Variants in THSD7A observed in about 807,000 individuals in gnomAD.
THSD7A encodes thrombospondin type 1 domain containing 7A.
In THSD7A, 96 loss-of-function variants were observed where a neutral mutation model predicts 231.3. The observed-to-expected ratio is 0.41, with a 90% CI of 0.35 to 0.49. The LOEUF (loss-of-function observed/expected upper bound fraction) is 0.49. THSD7A is among the 20% of genes least tolerant of loss of function. The pLI is 0.05. For missense variants in THSD7A, 2,290 were observed against 2,070.2 expected, an observed-to-expected ratio of 1.11 and a Z score of -2.06; for synonymous variants, 940 against 743.3, an observed-to-expected ratio of 1.26 and a Z score of -4.30.
At chr7:11,523,018 A>G (rs1788329697) in intron 6 of THSD7A, among the ~76,000 whole-genome samples, 1 of 152,166 alleles carries the variant, frequency 6.6e-6, no homozygotes, top group Admixed American at 6.5e-5. Context: ...AACTATCTCA[A>G]GTATGTCCAC....
chr7:11,589,558 G>A (rs538849768), intron 4 of THSD7A, among the ~76,000 whole-genome samples: 3 of 152,260 alleles, frequency 2.0e-5, no homozygotes, highest in African/African-American at 7.2e-5. Flanking sequence ...TTGTCTACAT[G>A]CTCTCCTGAT....
intron 6 of THSD7A, among the ~76,000 whole-genome samples, chr7:11,530,694 G>A (rs911441774): frequency 3.3e-5 from 5 of 152,210 alleles, no homozygotes; most frequent in African/African-American, 1.2e-4. Flanking sequence ...TGGACTTCAC[G>A]CAGAAGGCAA....
At chr7:11,512,360 T>C (rs1787847418) in intron 6 of THSD7A, among the ~76,000 whole-genome samples, 1 of 152,150 alleles carries the variant, frequency 6.6e-6, no homozygotes, top group South Asian at 2.1e-4. Flanking sequence ...GTTCAACCAT[T>C]GTGGAAGTCA....
At chr7:11,621,139 G>C (rs932708773) in intron 2 of THSD7A, among the ~76,000 whole-genome samples, 37 of 152,186 alleles carry the variant, frequency 2.4e-4, no homozygotes, top group African/African-American at 8.9e-4. Context: ...TGCAGTTTCA[G>C]AAATCAAATT....
In THSD7A at chr7:11,370,750, A is replaced by G. The variant is rs1002756592; in HGVS notation, c.*5044T>C. ...GTAGTTAAATTAACATAAAATACAC[A>G]TTTAGGGAATAATAATTTATAGAAA... On this transcript the variant is annotated 3_prime_UTR_variant, in exon 28 of 28. Coordinates refer to ENST00000423059, the MANE Select transcript of THSD7A (RefSeq NM_015204.3). The G allele has an allele frequency of 6.6e-6, 1 of 152,184 alleles. No homozygotes were observed. Among genetic ancestry groups the G allele is most frequent in the South Asian group, 2.1e-4 (1 of 4,834 alleles). The allele number at this position is 152,184 out of a possible 1,614,324, so 9.4% of individuals were successfully genotyped here.
intron 4 of THSD7A, among the ~76,000 whole-genome samples, chr7:11,589,202 G>A (rs1477057755): frequency 6.6e-6 from 1 of 151,880 alleles, no homozygotes; most frequent in Non-Finnish European, 1.5e-5. Flanking sequence ...CTTTATCCTT[G>A]TTCTTTTTCT....
rs1781922340 is a variant in THSD7A at position 11,637,683 on chromosome 7, G to A, written c.191-722C>T. 6.6e-6 allele frequency among the ~76,000 whole-genome samples: 1 copy of A among 152,096 alleles called. No individual in the cohort carries two copies. The highest frequency in any genetic ancestry group is 1.5e-5 in the Non-Finnish European group (1 of 68,024). ...TTTTCTAATCATTGAGAGGTTATTT[G>A]GGGTCTTATTTATTTATTCATTTCT... is the stretch of plus-strand genomic sequence containing the variant. On this transcript the variant is annotated intron_variant, in intron 1 of 27. Transcript: ENST00000423059. The surrounding 1 kb of genome is among the most constrained non-coding windows in gnomAD (Gnocchi z 4.2).
chr7:11,685,961 C>T (rs947576990), intron 1 of THSD7A, among the ~76,000 whole-genome samples: 1 of 151,860 alleles, frequency 6.6e-6, no homozygotes, highest in African/African-American at 2.4e-5. Flanking sequence ...ATACATGGAA[C>T]CAAACTTGGT....
chr7:11,545,102 CATGTATAGGCAGAAGAGTCTATACT>C (rs1789323517), intron 4 of THSD7A, among the ~76,000 whole-genome samples: 1 of 152,050 alleles, frequency 6.6e-6, no homozygotes, highest in African/African-American at 2.4e-5. Flanking sequence ...CTTTTAAAGA[CATGTATAGGCAGAAGAGTCTATACT>C]ATGTAGCAAA....
chr7:11,613,370 A>T (rs1780996899), intron 2 of THSD7A, among the ~76,000 whole-genome samples: 1 of 152,210 alleles, frequency 6.6e-6, no homozygotes, highest in East Asian at 1.9e-4. Context: ...AGCAAAACAT[A>T]CAAAGTAGTT....
In THSD7A at chr7:11,814,152, T is replaced by C. The variant is rs1236653496; in HGVS notation, c.190+17605A>G. ...GGGACCTGGGCTGATGGCTCAGGGA[T>C]GCAGGATTTCTTCTTGGGGTAATGA... On this transcript the variant is annotated intron_variant, in intron 1 of 27. Coordinates refer to ENST00000423059, the MANE Select transcript of THSD7A (RefSeq NM_015204.3). This position sits in a 1 kb window ranked among gnomAD's most constrained non-coding sequence, Gnocchi z 5.1. Among the ~76,000 whole-genome samples the C allele has an allele frequency of 1.3e-5, 2 of 152,206 alleles. No homozygotes were observed. The highest frequency in any genetic ancestry group is 4.8e-5 in the African/African-American group (2 of 41,460).
chr7:11,676,996 A>T (rs1783664393), intron 1 of THSD7A, among the ~76,000 whole-genome samples: 1 of 152,182 alleles, frequency 6.6e-6, no homozygotes, highest in Admixed American at 6.6e-5. Flanking sequence ...TGAAAGAAAA[A>T]ATGTTAAGGG....
intron 11 of THSD7A, among the ~76,000 whole-genome samples, chr7:11,457,235 G>A (rs1240697986): frequency 6.6e-6 from 1 of 151,932 alleles, no homozygotes; most frequent in Non-Finnish European, 1.5e-5. Context: ...GTGCATACCT[G>A]AATATTTCCA....
At chr7:11,816,931 C>T (rs945855444) in intron 1 of THSD7A, among the ~76,000 whole-genome samples, 3 of 152,022 alleles carry the variant, frequency 2.0e-5, no homozygotes, top group Non-Finnish European at 4.4e-5. Flanking sequence ...GACATGTATA[C>T]ATGTGTGATT....
At chr7:11,674,999 TCCAGTCTG>T (rs1783579250) in intron 1 of THSD7A, among the ~76,000 whole-genome samples, 2 of 152,034 alleles carry the variant, frequency 1.3e-5, no homozygotes, top group Admixed American at 6.6e-5. Context: ...TAGGAACAGC[TCCAGTCTG>T]CTGCTCCCAG....
At chr7:11,445,536 T>C (rs965060813) in intron 13 of THSD7A, among the ~76,000 whole-genome samples, 21 of 152,034 alleles carry the variant, frequency 1.4e-4, no homozygotes, top group African/African-American at 5.1e-4. Context: ...TGTGTGTGTG[T>C]GTGTGTGTCA....
At position 11,462,001 on chromosome 7, in the gene THSD7A, C is replaced by A. The variant is rs1204924392; in HGVS notation, c.2501+10G>T. On this transcript the variant is annotated intron_variant, in intron 10 of 27. Coordinates refer to ENST00000423059, the MANE Select transcript of THSD7A (RefSeq NM_015204.3). Reference sequence around the variant, plus strand: ...AGCTCCTCCCTCACGATGCATTTCTCTAACCCTACCTGTAGCTTTGGCACG... The same window carrying A: ...AGCTCCTCCCTCACGATGCATTTCTATAACCCTACCTGTAGCTTTGGCACG... The A allele has an allele frequency of 6.2e-7, 1 of 1,612,590 alleles. No individual in the cohort carries two copies. The highest frequency in any genetic ancestry group is 1.7e-5 in the Admixed American group (1 of 59,866).
At chr7:11,533,348 A>T (rs1251329453) in intron 6 of THSD7A, among the ~76,000 whole-genome samples, 1 of 152,166 alleles carries the variant, frequency 6.6e-6, no homozygotes, top group Non-Finnish European at 1.5e-5. Flanking sequence ...AAGAATCAAG[A>T]AAACAGTGGA....
chr7:11,460,182 T>G (rs1785451509), intron 11 of THSD7A, among the ~76,000 whole-genome samples: 1 of 152,136 alleles, frequency 6.6e-6, no homozygotes, highest in South Asian at 2.1e-4. Context: ...ATGAACAGAA[T>G]TGTGGATAGC....
Sources: gnomAD v4.1 joint callset for allele counts (sites outside exome capture counted in the v4.1 genomes callset) on GRCh38, gnomAD v4.1.1 for gene constraint, Gnocchi (gnomAD v3.1) non-coding constraint, MANE v1.5 for transcripts, NCBI Gene and HGNC (gene_info 2026-07-23, HGNC 2026-07-21) for gene names.